Variants in RFC1 observed in about 807,000 individuals in gnomAD.
The protein encoded by RFC1 is replication factor C subunit 1.
RFC1 carries 37 observed loss-of-function variants against 137.4 expected under a neutral mutation model. That is an observed-to-expected ratio of 0.27 (90% CI 0.21 to 0.35). RFC1 has a LOEUF of 0.35. RFC1 is among the 10% of genes least tolerant of loss of function. RFC1 has a pLI of 1.00. For synonymous variants in RFC1, 429 were observed against 455.7 expected (o/e 0.94, Z 0.75); for missense variants, 1,205 against 1,358.5 (o/e 0.89, Z 1.78).
chr4:39,335,996 T>C (rs1444809358), intron 4 of RFC1, among the ~76,000 whole-genome samples: 1 of 152,196 alleles, frequency 6.6e-6, no homozygotes, highest in Non-Finnish European at 1.5e-5. Flanking sequence ...GTAAAGTACC[T>C]GTCACCAGAA....
chr4:39,331,362 T>C (rs572918284), intron 4 of RFC1, among the ~76,000 whole-genome samples: 1 of 152,284 alleles, frequency 6.6e-6, no homozygotes, highest in South Asian at 2.1e-4. Flanking sequence ...AATACTAACA[T>C]TCCATTTCCA....
chr4:39,321,258 T>G lies in RFC1; in HGVS notation c.808+29A>C, dbSNP rs371816565. On this transcript the variant is annotated intron_variant, in intron 8 of 24. Coordinates refer to ENST00000349703, the MANE Select transcript of RFC1 (RefSeq NM_002913.5). Reference sequence around the variant, plus strand: ...AATTTACTTCCATGAAGACAAGTGCTCCATCTTACTTTTTTCTGCTAGTAT... The same window carrying G: ...AATTTACTTCCATGAAGACAAGTGCGCCATCTTACTTTTTTCTGCTAGTAT... The G allele has an allele frequency of 1.0e-4, 155 of 1,517,112 alleles. No homozygotes were observed. In the African/African-American group the frequency reaches 1.9e-3, roughly 18 times the overall value. 94.0% of individuals were successfully genotyped at this position (1,517,112 alleles called of 1,614,324 possible).
Position 39,300,262 on chromosome 4 carries a change from T to C in RFC1, c.2688A>G (p.Ala896=), listed in dbSNP as rs760829711. Residue 896 remains alanine, a splice_region_variant and synonymous_variant, in exon 20 of 25, where the codon GCA becomes GCG. Coordinates refer to ENST00000349703, the MANE Select transcript of RFC1 (RefSeq NM_002913.5). ...TCTCACCAGCTCTGGACACTCACCC[T>C]GCTGCTACAGGCTTCACGTGTATGT... ...ENYIHVKPVA[A]GGDMKKHLML... The C allele has an allele frequency of 6.2e-7, 1 of 1,614,196 alleles. No individual in the cohort carries two copies. Among genetic ancestry groups the C allele is most frequent in the South Asian group, 1.1e-5 (1 of 91,076 alleles).
chr4:39,313,121 G>T (rs1739051405), intron 10 of RFC1, among the ~76,000 whole-genome samples, 190 bp from the exon 11 acceptor site: 1 of 152,058 alleles, frequency 6.6e-6, no homozygotes, highest in Admixed American at 6.6e-5. Context: ...TTTTGATATG[G>T]CTAACGTTTA....
chr4:39,339,821 C>T (rs748745631), intron 4 of RFC1, among the ~76,000 whole-genome samples: 1 of 152,064 alleles, frequency 6.6e-6, no homozygotes, highest in Non-Finnish European at 1.5e-5. Context: ...AGTTCCCATA[C>T]GAGACCACAC....
chr4:39,356,425 A>C (rs1467612394), intron 1 of RFC1, among the ~76,000 whole-genome samples: 1 of 152,158 alleles, frequency 6.6e-6, no homozygotes, highest in Non-Finnish European at 1.5e-5. Context: ...CATTGAACAC[A>C]TGAACGGTTA....
intron 15 of RFC1, among the ~76,000 whole-genome samples, chr4:39,304,302 C>T (rs1017623125): frequency 2.2e-4 from 33 of 152,198 alleles, no homozygotes; most frequent in Admixed American, 1.3e-4. Context: ...CTTTTACTAC[C>T]TTTGCCTGCA....
At position 39,312,883 on chromosome 4, in the gene RFC1, G is replaced by A. The variant is rs780580576; in HGVS notation, c.1252C>T (p.Leu418=). ...EGLIFVITGV[L]ESIERDEAKS... ...GCCTCATCTCGTTCAATAGACTCCA[G>A]CACGCCTGTGATTACAAATATAAGG... The change falls in exon 11 of 25, where the codon CTG becomes TTG. Residue 418 remains leucine (L), a synonymous_variant. Coordinates refer to ENST00000349703, the MANE Select transcript of RFC1 (RefSeq NM_002913.5). 4 of 1,614,036 alleles carry A rather than the reference G, an allele frequency of 2.5e-6. No individual in the cohort carries two copies. Among genetic ancestry groups the A allele is most frequent in the Admixed American group, 3.3e-5 (2 of 60,012 alleles).
intron 7 of RFC1, 163 bp from the exon 8 acceptor site, chr4:39,321,537 G>A: frequency 1.4e-5 from 8 of 571,610 alleles, no homozygotes; most frequent in African/African-American, 1.9e-5. Context: ...AGGCAAATGA[G>A]GCATATTTTA....
intron 4 of RFC1, among the ~76,000 whole-genome samples, chr4:39,338,612 A>G (rs1199197861): frequency 6.6e-6 from 1 of 152,192 alleles, no homozygotes; most frequent in Non-Finnish European, 1.5e-5. Context: ...TTGTGTAGGA[A>G]GTCTTTGAAA....
chr4:39,363,744 T>C (rs1236787495), intron 1 of RFC1, among the ~76,000 whole-genome samples: 2 of 151,730 alleles, frequency 1.3e-5, no homozygotes, highest in Non-Finnish European at 2.9e-5. Context: ...AAAAATAAAA[T>C]AGCTGGACAT....
chr4:39,334,903 G>GT lies in RFC1; in HGVS notation c.332-7148dup, dbSNP rs144475678. Among the ~76,000 whole-genome samples the GT allele has an allele frequency of 3.3e-3, 504 of 152,288 alleles. 2 individuals carry two copies. Among genetic ancestry groups the GT allele is most frequent in the African/African-American group, 0.012 (482 of 41,546 alleles). ...GGAGAGAAGATTGCTTTAACACTCT[G>GT]TGTTAGATACATTCATTTATTTAGA... is the stretch of plus-strand genomic sequence containing the variant. On this transcript the variant is annotated intron_variant, in intron 4 of 24. Transcript: ENST00000349703.
intron 2 of RFC1, 102 bp downstream of exon 2, chr4:39,351,246 G>C (rs1030774936): frequency 3.0e-5 from 19 of 623,750 alleles, no homozygotes; most frequent in Non-Finnish European, 3.8e-5. Flanking sequence ...GCAAGACTCT[G>C]TCTCAGGAAA....
intron 6 of RFC1, 94 bp downstream of exon 6, chr4:39,326,469 G>T: frequency 2.3e-6 from 2 of 853,310 alleles, no homozygotes; most frequent in Non-Finnish European, 3.7e-6. Context: ...TATTTTACAT[G>T]TAACTTCCAA....
chr4:39,289,618 T>C, intron 24 of RFC1: 1 of 477,186 alleles, frequency 2.1e-6, no homozygotes, highest in Non-Finnish European at 3.7e-6. Flanking sequence ...TAACAGAACA[T>C]ATGGCCGTCA....
At position 39,342,924 on chromosome 4, in the gene RFC1, C is replaced by T. The variant is rs537405799; in HGVS notation, c.209-457G>A. Among the ~76,000 whole-genome samples, 16 of 152,340 alleles carry T rather than the reference C, an allele frequency of 1.1e-4. No individual in the cohort carries two copies. In the South Asian group the frequency reaches 3.3e-3, roughly 32 times the overall value. On this transcript the variant is annotated intron_variant, in intron 3 of 24. Coordinates refer to ENST00000349703, the MANE Select transcript of RFC1 (RefSeq NM_002913.5). ...GCCCTCACGTTGCCATCTCCCGGAT[C>T]CTCTAATCTTCCTCCACAGTTAATC...
intron 4 of RFC1, among the ~76,000 whole-genome samples, chr4:39,338,148 G>A (rs1173956106): frequency 6.6e-6 from 1 of 152,074 alleles, no homozygotes; most frequent in Non-Finnish European, 1.5e-5. Flanking sequence ...GTCAATAGTT[G>A]GCTATAAAGA....
At chr4:39,304,676 G>T (rs1037330946) in intron 15 of RFC1, 138 bp downstream of exon 15, 12 of 665,528 alleles carry the variant, frequency 1.8e-5, no homozygotes, top group Middle Eastern at 2.6e-4. Flanking sequence ...GATGTCAGAC[G>T]GCTTTCTTAT....
chr4:39,345,380 C>T, intron 3 of RFC1, 21 bp downstream of exon 3: 2 of 1,602,886 alleles, frequency 1.2e-6, no homozygotes, highest in Non-Finnish European at 1.7e-6. Context: ...AATTTTAAAG[C>T]TCCTCAGAAG....
Sources: gnomAD v4.1 joint callset for allele counts (sites outside exome capture counted in the v4.1 genomes callset) on GRCh38, gnomAD v4.1.1 for gene constraint, MANE v1.5 for transcripts, NCBI Gene and HGNC (gene_info 2026-07-23, HGNC 2026-07-21) for gene names.